The following LSAMP variants were observed in gnomAD, a reference collection of about 807,000 sequenced individuals.
LSAMP encodes limbic system associated membrane protein.
In LSAMP, 7 loss-of-function variants were observed where a neutral mutation model predicts 38.6. The ratio of observed to expected loss-of-function variants is 0.18; its 90% CI spans 0.10 to 0.34. The LOEUF (loss-of-function observed/expected upper bound fraction) is 0.34. Among genes scored for constraint, LSAMP ranks in the 10% least tolerant of loss-of-function variants. The probability of loss-of-function intolerance (pLI) is 1.00; values close to 1 mark genes in which losing one functional copy is unlikely to be tolerated. For missense variants in LSAMP, 313 were observed against 420.0 expected, an observed-to-expected ratio of 0.75 and a Z score of 2.23; for synonymous variants, 154 against 166.8, an observed-to-expected ratio of 0.92 and a Z score of 0.59.
chr3:116,136,788 A>G (rs1373612423), intron 1 of LSAMP, among the ~76,000 whole-genome samples: 1 of 152,130 alleles, frequency 6.6e-6, no homozygotes, highest in East Asian at 1.9e-4. Context: ...TATATGAAGT[A>G]ATGTAAGGGT....
chr3:116,193,760 A>G (rs1344468138), intron 1 of LSAMP, among the ~76,000 whole-genome samples: 2 of 152,186 alleles, frequency 1.3e-5, no homozygotes, highest in East Asian at 3.9e-4. Flanking sequence ...CCTTCCACCC[A>G]TACTATGTAA....
At chr3:116,210,563 C>A (rs1219882001) in intron 1 of LSAMP, among the ~76,000 whole-genome samples, 3 of 152,210 alleles carry the variant, frequency 2.0e-5, no homozygotes, top group African/African-American at 7.2e-5. Flanking sequence ...GGCTTCCCTA[C>A]TTTTGAGGTT....
At chr3:115,893,468 G>A (rs1169198485) in intron 3 of LSAMP, among the ~76,000 whole-genome samples, 1 of 151,988 alleles carries the variant, frequency 6.6e-6, no homozygotes, top group African/African-American at 2.4e-5. Flanking sequence ...AGTCTCAGTA[G>A]AGGTTTCTTT....
At chr3:116,224,614 T>G (rs1445045339) in intron 1 of LSAMP, among the ~76,000 whole-genome samples, 1 of 152,232 alleles carries the variant, frequency 6.6e-6, no homozygotes, top group Non-Finnish European at 1.5e-5. Context: ...ATCGTTTTGG[T>G]CTATAAAGTG....
intron 6 of LSAMP, 143 bp from the exon 7 acceptor site, chr3:115,810,557 A>C (rs1173984167): frequency 1.5e-6 from 1 of 679,684 alleles, no homozygotes; most frequent in Non-Finnish European, 2.6e-6. Flanking sequence ...GCAGCCCAAG[A>C]AGCGCTCAAA....
At chr3:116,335,919 G>A (rs2047914892) in intron 1 of LSAMP, among the ~76,000 whole-genome samples, 1 of 151,930 alleles carries the variant, frequency 6.6e-6, no homozygotes, top group Non-Finnish European at 1.5e-5. Context: ...CTGACATAAA[G>A]TAAAAAAATT....
chr3:116,086,659 T>C lies in LSAMP; in HGVS notation c.156-103A>G, dbSNP rs1559737272. Reference sequence around the variant, plus strand: ...CAAGTCTAAACAAGGAAAATAATTATATGCAGAATGAATTATTGCCATGCC... The same window carrying C: ...CAAGTCTAAACAAGGAAAATAATTACATGCAGAATGAATTATTGCCATGCC... On this transcript the variant is annotated intron_variant, in intron 1 of 6. Transcript: ENST00000490035. 1.9e-5 allele frequency: 16 copies of C among 837,952 alleles called. 1 individual carries two copies. The South Asian group carries it at 2.4e-4, about 13-fold the overall frequency. 51.9% of individuals were successfully genotyped at this position (837,952 alleles called of 1,614,324 possible). A position where few individuals can be genotyped will look rare whatever the true frequency, so the allele number is the denominator to read the frequency against.
chr3:115,902,427 A>G (rs1936899337), intron 3 of LSAMP, among the ~76,000 whole-genome samples: 1 of 152,110 alleles, frequency 6.6e-6, no homozygotes, highest in Non-Finnish European at 1.5e-5. Context: ...CATTCTAGAC[A>G]TAGGAACGGG....
chr3:115,949,965 A>G (rs906849832), intron 3 of LSAMP, among the ~76,000 whole-genome samples: 1 of 152,204 alleles, frequency 6.6e-6, no homozygotes, highest in Admixed American at 6.5e-5. Flanking sequence ...TACATCACAT[A>G]AACAGAATTA....
chr3:116,404,606 T>C (rs2048878308), intron 1 of LSAMP, among the ~76,000 whole-genome samples: 1 of 152,162 alleles, frequency 6.6e-6, no homozygotes, highest in South Asian at 2.1e-4. Flanking sequence ...GTCATTATTA[T>C]TACAATGATA....
At chr3:115,871,525 CT>C (rs901563767) in intron 3 of LSAMP, among the ~76,000 whole-genome samples, 4 of 151,842 alleles carry the variant, frequency 2.6e-5, no homozygotes, top group Admixed American at 6.6e-5. Flanking sequence ...TATGATACCC[CT>C]GTTTAAATTG....
chr3:116,443,709 G>A (rs956507857), intron 1 of LSAMP, among the ~76,000 whole-genome samples: 1 of 152,044 alleles, frequency 6.6e-6, no homozygotes, highest in African/African-American at 2.4e-5. Context: ...TGTTTTTATT[G>A]CCACAACAAG....
chr3:116,089,359 T>C (rs1173693775), intron 1 of LSAMP, among the ~76,000 whole-genome samples: 2 of 152,204 alleles, frequency 1.3e-5, no homozygotes, highest in Admixed American at 1.3e-4. Context: ...TACTTTTTTT[T>C]GTTTTGTTTT....
chr3:116,290,881 A>G (rs1168235856), intron 1 of LSAMP, among the ~76,000 whole-genome samples: 1 of 152,086 alleles, frequency 6.6e-6, no homozygotes, highest in African/African-American at 2.4e-5. Context: ...GGTTAAGACA[A>G]GCCAATGTTC....
intron 1 of LSAMP, among the ~76,000 whole-genome samples, chr3:116,272,425 AC>A (rs911028980): frequency 6.6e-6 from 1 of 152,158 alleles, no homozygotes; most frequent in African/African-American, 2.4e-5. Context: ...TTATCGAAGC[AC>A]TGATCCCTAG....
chr3:116,204,720 A>G lies in LSAMP; in HGVS notation c.156-118164T>C, dbSNP rs367825108. On this transcript the variant is annotated intron_variant, in intron 1 of 6. Transcript: ENST00000490035. ...AAAGATCAGATAGTTGTAGATATGC[A>G]GCGTTATTTCTGAGGGCTCTGTTCT... 2.3e-3 allele frequency among the ~76,000 whole-genome samples: 340 copies of G among 150,922 alleles called. 1 individual carries two copies. Among genetic ancestry groups the G allele is most frequent in the Middle Eastern group, 6.9e-3 (2 of 288 alleles).
intron 1 of LSAMP, among the ~76,000 whole-genome samples, chr3:116,119,814 C>A (rs1708835823): frequency 6.6e-6 from 1 of 151,904 alleles, no homozygotes; most frequent in Non-Finnish European, 1.5e-5. Flanking sequence ...ATGTGTGCCA[C>A]CACACCCAGC....
chr3:116,269,125 A>G (rs1204643107), intron 1 of LSAMP, among the ~76,000 whole-genome samples: 1 of 152,064 alleles, frequency 6.6e-6, no homozygotes, highest in African/African-American at 2.4e-5. Flanking sequence ...CACCAAGCAC[A>G]AAACGCTTTA....
At chr3:116,317,933 C>T (rs1461141808) in intron 1 of LSAMP, among the ~76,000 whole-genome samples, 1 of 151,320 alleles carries the variant, frequency 6.6e-6, no homozygotes, top group Admixed American at 6.6e-5. Context: ...GTCAGGAGTT[C>T]GAGACCAGCC....
Sources: allele counts gnomAD v4.1 joint callset (sites outside exome capture counted in the v4.1 genomes callset), GRCh38; gene constraint gnomAD v4.1.1; transcripts MANE v1.5; gene names NCBI Gene and HGNC (gene_info 2026-07-23, HGNC 2026-07-21).